Variants in TNS2 observed in about 807,000 individuals in gnomAD.
TNS2 encodes tensin 2, also known as tensin-2.
Under a neutral mutation model 155.7 loss-of-function variants are expected in TNS2, and 77 were observed. That is an observed-to-expected ratio of 0.49 (90% CI 0.41 to 0.60). The LOEUF (loss-of-function observed/expected upper bound fraction) is 0.60. Among genes scored for constraint, TNS2 ranks in the 20% least tolerant of loss-of-function variants. TNS2 has a pLI of 0.00. For synonymous variants in TNS2, 726 were observed against 763.9 expected, an observed-to-expected ratio of 0.95 and a Z score of 0.82; for missense variants, 1,703 against 1,868.8, an observed-to-expected ratio of 0.91 and a Z score of 1.64.
chr12:53,053,877 G>A (rs1944032318), intron 5 of TNS2, 65 bp downstream of exon 5: 1 of 1,613,988 alleles, frequency 6.2e-7, no homozygotes. Flanking sequence ...TAGATTTCCT[G>A]AAGACAAAAA....
upstream of TNS2, among the ~76,000 whole-genome samples, chr12:53,047,485 G>GGGGCGCA (rs1943766698): frequency 1.4e-5 from 2 of 146,222 alleles, no homozygotes; most frequent in African/African-American, 4.9e-5. Flanking sequence ...GAGAGGGCGC[G>GGGGCGCA]GGGCGCGGGG....
At chr12:53,061,352 G>T (rs71455226) in intron 20 of TNS2, 28 bp from the exon 21 acceptor site, 3 of 1,613,728 alleles carry the variant, frequency 1.9e-6, no homozygotes, top group Middle Eastern at 3.3e-4. Flanking sequence ...GTACCCTGGG[G>T]TCTGAACCTA....
rs752096129 is a variant in TNS2 at position 53,060,387 on chromosome 12, C to A, written c.2618-18C>A. ...GAGCCCCATCCTGCTCACAGCCCAC[C>A]TCTCCCCTTCACTGCAGAGTCGCTG... On this transcript the variant is annotated intron_variant, in intron 18 of 28. Transcript: ENST00000314250. This position sits in a 1 kb window ranked among gnomAD's most constrained non-coding sequence, Gnocchi z 6.1. 8.1e-6 allele frequency: 13 copies of A among 1,608,330 alleles called. No individual in the cohort carries two copies. The South Asian group carries it at 1.4e-4, about 18-fold the overall frequency.
intron 8 of TNS2, 111 bp downstream of exon 8, chr12:53,055,347 A>G (rs947839565): frequency 7.8e-6 from 10 of 1,280,026 alleles, no homozygotes; most frequent in Middle Eastern, 2.0e-4. Context: ...ACTCTTAAGC[A>G]CTTTCCCACT....
chr12:53,061,640 T>C (rs1944388162), intron 21 of TNS2, 171 bp downstream of exon 21: 1 of 1,352,472 alleles, frequency 7.4e-7, no homozygotes. Context: ...GGCGGTGAGA[T>C]CCAACATGGT....
chr12:53,049,183 C>T (rs1240436006), upstream of TNS2: 1 of 1,593,032 alleles, frequency 6.3e-7, no homozygotes, highest in Admixed American at 1.8e-5. Context: ...GGGGGACCTC[C>T]TGTCCAGTCC....
At chr12:53,055,098 G>A (rs1565604431) in intron 7 of TNS2, 88 bp from the exon 8 acceptor site, 1 of 1,467,798 alleles carries the variant, frequency 6.8e-7, no homozygotes, top group South Asian at 1.1e-5. Context: ...CCTTATTTTA[G>A]AGGAAGATTC....
At chr12:53,051,728 A>T in intron 1 of TNS2, 127 bp from the exon 2 acceptor site, 1 of 712,440 alleles carries the variant, frequency 1.4e-6, no homozygotes, top group Non-Finnish European at 2.4e-6. Context: ...AGTGCGTCCT[A>T]CAAGTTTGAG....
intron 3 of TNS2, 63 bp downstream of exon 3, chr12:53,052,555 G>A (rs1231255195): frequency 6.2e-7 from 1 of 1,605,920 alleles, no homozygotes; most frequent in Non-Finnish European, 8.5e-7. Flanking sequence ...CTCCCAAACA[G>A]GCTTCTGCAA....
chr12:53,062,560 G>A, intron 24 of TNS2, 60 bp from the exon 25 acceptor site: 1 of 1,609,554 alleles, frequency 6.2e-7, no homozygotes, highest in East Asian at 2.2e-5. Flanking sequence ...CAGAGGGAGT[G>A]CTCCAGCCTG....
At chr12:53,057,913 C>G in intron 13 of TNS2, 80 bp downstream of exon 13, 1 of 1,609,952 alleles carries the variant, frequency 6.2e-7, no homozygotes, top group South Asian at 1.1e-5. Context: ...CTCCAGCCTC[C>G]CTAGACACCT....
At chr12:53,061,310 T>C in intron 20 of TNS2, 46 bp downstream of exon 20, 1 of 1,608,740 alleles carries the variant, frequency 6.2e-7, no homozygotes, top group South Asian at 1.1e-5. Context: ...GAGAACCCTT[T>C]CTCCTGGGAT....
intron 4 of TNS2, 67 bp from the exon 5 acceptor site, chr12:53,053,707 A>G: frequency 1.3e-6 from 2 of 1,590,454 alleles, no homozygotes. Context: ...CCTGTCCCCA[A>G]GGCCCACATT....
At position 53,058,563 on chromosome 12, in the gene TNS2, TC is replaced by T; in HGVS notation, c.1226-5del. 1 of 1,614,010 alleles carries T rather than the reference TC, an allele frequency of 6.2e-7. No individual in the cohort carries two copies. Among genetic ancestry groups the T allele is most frequent in the Non-Finnish European group, 8.5e-7 (1 of 1,179,974 alleles). On this transcript the variant is annotated splice_region_variant and splice_polypyrimidine_tract_variant and intron_variant, in intron 15 of 28. Coordinates refer to ENST00000314250, the MANE Select transcript of TNS2 (RefSeq NM_170754.4). Reference sequence around the variant, plus strand: ...AGGGGCCTGGTTCTTCACTGTCCACTCCCCATAGATGAGAGGTTCCCCTTCC... The same window carrying T: ...AGGGGCCTGGTTCTTCACTGTCCACTCCCATAGATGAGAGGTTCCCCTTCC...
Position 53,050,381 on chromosome 12 carries a change from T to G in TNS2, c.75+121T>G. The G allele has an allele frequency of 8.5e-7, 1 of 1,182,922 alleles. No homozygotes were observed. 73.3% of individuals were successfully genotyped at this position (1,182,922 alleles called of 1,614,324 possible). A position where few individuals can be genotyped will look rare whatever the true frequency, so the allele number is the denominator to read the frequency against. ...TTTCAGCTTCCTCAGCCTTCTTCCC[T>G]GGCCCAGCATCCCCTCCGGAGTGGC... On this transcript the variant is annotated intron_variant, in intron 1 of 28. Transcript: ENST00000314250. This position sits in a 1 kb window ranked among gnomAD's most constrained non-coding sequence, Gnocchi z 4.7.
chr12:53,058,903 A>G, intron 17 of TNS2, 76 bp downstream of exon 17: 1 of 1,562,042 alleles, frequency 6.4e-7, no homozygotes, highest in Non-Finnish European at 8.7e-7. Context: ...GGAGAAGCAC[A>G]CTCCCTCCTC....
chr12:53,052,275 C>A, intron 2 of TNS2, 180 bp from the exon 3 acceptor site: 1 of 754,224 alleles, frequency 1.3e-6, no homozygotes, highest in Non-Finnish European at 2.3e-6. Context: ...GCAGTAGTAC[C>A]CCACTGCCAC....
chr12:53,057,053 T>G lies in TNS2; in HGVS notation c.802T>G (p.Cys268Gly). The G allele has an allele frequency of 1.2e-6, 2 of 1,613,840 alleles. No homozygotes were observed. Among genetic ancestry groups the G allele is most frequent in the African/African-American group, 1.3e-5 (1 of 75,050 alleles). ...ALATLTMRKF[C>G]EDKVATELQP... is the part of the protein sequence containing the mutation. ...GGCCACTCTTACCATGCGGAAATTC[T>G]GCGAGGACAAGGTGGCCACAGAACT... Residue 268 changes from cysteine (C) to glycine (G), a missense_variant, in exon 11 of 29, where the codon TGC (cysteine) becomes GGC (glycine). Physicochemically the swap from Cys to Gly is radical, Grantham distance 159. Coordinates refer to ENST00000314250, the MANE Select transcript of TNS2 (RefSeq NM_170754.4).
intron 10 of TNS2, 160 bp downstream of exon 10, chr12:53,056,005 T>C: frequency 1.4e-6 from 1 of 709,424 alleles, no homozygotes; most frequent in South Asian, 1.9e-5. Flanking sequence ...TGCAACATAG[T>C]CTGCAGCAGA....
Sources: allele counts gnomAD v4.1 joint callset (sites outside exome capture counted in the v4.1 genomes callset), GRCh38; gene constraint gnomAD v4.1.1; non-coding constraint Gnocchi (gnomAD v3.1); transcripts MANE v1.5; gene names NCBI Gene and HGNC (gene_info 2026-07-23, HGNC 2026-07-21).